Variants in MCTP2 observed in about 807,000 individuals in gnomAD.
MCTP2 encodes the protein multiple C2 and transmembrane domain containing 2, also known as multiple C2 and transmembrane domain-containing protein 2.
Under a neutral mutation model 111.6 loss-of-function variants are expected in MCTP2, and 132 were observed. That is an observed-to-expected ratio of 1.18 (90% CI 1.03 to 1.37). The LOEUF is 1.37. Among genes scored for constraint, MCTP2 ranks in the 40% most tolerant of loss-of-function variants. The probability of loss-of-function intolerance (pLI) is 0.00; values close to 1 mark genes in which losing one functional copy is unlikely to be tolerated. For synonymous variants in MCTP2, 395 were observed against 387.7 expected (o/e 1.02, Z -0.22); for missense variants, 1,183 against 1,067.9 (o/e 1.11, Z -1.50).
At chr15:94,353,912 T>C (rs1027205193) in intron 8 of MCTP2, among the ~76,000 whole-genome samples, 14 of 152,264 alleles carry the variant, frequency 9.2e-5, no homozygotes, top group Admixed American at 6.5e-4. Flanking sequence ...CATCTATTTA[T>C]ATATTGTGAT....
At chr15:94,470,805 T>C (rs906941167) in intron 21 of MCTP2, among the ~76,000 whole-genome samples, 18 of 152,190 alleles carry the variant, frequency 1.2e-4, no homozygotes, top group Middle Eastern at 3.4e-3. Flanking sequence ...ATCATGCCCT[T>C]GATATTATGT....
Position 94,314,461 on chromosome 15 carries a change from C to A in MCTP2, c.528+117C>A, listed in dbSNP as rs923821090. 11 of 737,716 alleles carry A rather than the reference C, an allele frequency of 1.5e-5. No homozygotes were observed. The South Asian group carries it at 2.1e-4, about 14-fold the overall frequency. 45.7% of individuals were successfully genotyped at this position (737,716 alleles called of 1,614,324 possible). A position where few individuals can be genotyped will look rare whatever the true frequency, so the allele number is the denominator to read the frequency against. ...TAAAAAAAAAAAAAAAATGCCAAAC[C>A]GTATCCACTTACAAAACCAGGCCTT... On this transcript the variant is annotated intron_variant, in intron 3 of 22. Coordinates refer to ENST00000357742, the MANE Select transcript of MCTP2 (RefSeq NM_001385001.1).
At chr15:94,419,708 G>A (rs952977254) in intron 17 of MCTP2, among the ~76,000 whole-genome samples, 15 of 151,500 alleles carry the variant, frequency 9.9e-5, no homozygotes, top group Non-Finnish European at 1.9e-4. Context: ...ATATAGGCAG[G>A]CATCCTTTTA....
chr15:94,467,607 A>ATTAATTTTTTCT (rs1217641224), intron 20 of MCTP2, among the ~76,000 whole-genome samples: 1 of 151,686 alleles, frequency 6.6e-6, no homozygotes, highest in Non-Finnish European at 1.5e-5. Flanking sequence ...TATAAATCTA[A>ATTAATTTTTTCT]TTAATTTTTT....
At chr15:94,281,502 C>T (rs886913946) in intron 1 of MCTP2, among the ~76,000 whole-genome samples, 1 of 152,126 alleles carries the variant, frequency 6.6e-6, no homozygotes, top group East Asian at 1.9e-4. Context: ...GGTCTTTCTT[C>T]TTTATCCAAC....
At chr15:94,388,583 CTT>C (rs1247854166) in intron 14 of MCTP2, among the ~76,000 whole-genome samples, 1 of 152,118 alleles carries the variant, frequency 6.6e-6, no homozygotes, top group Non-Finnish European at 1.5e-5. Context: ...ATAATTCTAA[CTT>C]GTGATTTAGA....
At chr15:94,425,604 T>C (rs559756893) in intron 17 of MCTP2, among the ~76,000 whole-genome samples, 6 of 151,656 alleles carry the variant, frequency 4.0e-5, no homozygotes, top group African/African-American at 1.4e-4. Flanking sequence ...AAAACAAAAA[T>C]AAAAGTTATC....
rs1381192589 is a variant in MCTP2 at position 94,481,013 on chromosome 15, G to T, written c.*1979G>T. 6.6e-6 allele frequency: 1 copy of T among 152,150 alleles called. No homozygotes were observed. Among genetic ancestry groups the T allele is most frequent in the Admixed American group, 6.5e-5 (1 of 15,278 alleles). The allele number at this position is 152,150 out of a possible 1,614,324, so 9.4% of individuals were successfully genotyped here. On this transcript the variant is annotated 3_prime_UTR_variant, in exon 23 of 23. Transcript: ENST00000357742. ...TTGATTAAGTAGACATTGGATGTTT[G>T]TTAGAAAGGAATGTTAGTTGTAAGT...
intron 9 of MCTP2, 41 bp from the exon 10 acceptor site, chr15:94,358,441 A>C (rs376425426): frequency 1.5e-5 from 24 of 1,570,126 alleles, no homozygotes; most frequent in East Asian, 9.0e-5. Flanking sequence ...GCAATGAATG[A>C]CATTTTAAGA....
intron 17 of MCTP2, among the ~76,000 whole-genome samples, chr15:94,429,387 T>G (rs1301765563): frequency 4.6e-5 from 7 of 152,162 alleles, no homozygotes; most frequent in Non-Finnish European, 8.8e-5. Flanking sequence ...TTTCAAAGAG[T>G]TATGTCTCCT....
At chr15:94,397,575 C>G (rs1401047018) in intron 14 of MCTP2, among the ~76,000 whole-genome samples, 1 of 152,218 alleles carries the variant, frequency 6.6e-6, no homozygotes, top group Non-Finnish European at 1.5e-5. Context: ...CTTTATGGGG[C>G]ACCCCCTTCC....
intron 2 of MCTP2, among the ~76,000 whole-genome samples, chr15:94,300,279 G>C (rs2152338250): frequency 6.6e-6 from 1 of 152,114 alleles, no homozygotes; most frequent in African/African-American, 2.4e-5. Context: ...AGACCGAGGT[G>C]GGTGGAGATC....
intron 4 of MCTP2, among the ~76,000 whole-genome samples, chr15:94,328,379 T>C (rs375479018): frequency 8.1e-4 from 124 of 152,200 alleles, no homozygotes; most frequent in South Asian, 6.4e-3. Flanking sequence ...CCACCCGCCT[T>C]GGCCTCCCAA....
At chr15:94,359,322 T>C (rs1361742372) in intron 10 of MCTP2, among the ~76,000 whole-genome samples, 1 of 152,204 alleles carries the variant, frequency 6.6e-6, no homozygotes, top group African/African-American at 2.4e-5. Context: ...AGTTTACACA[T>C]TACTTAGTCA....
intron 17 of MCTP2, among the ~76,000 whole-genome samples, chr15:94,419,108 G>A (rs567185874): frequency 5.9e-5 from 9 of 152,160 alleles, no homozygotes; most frequent in East Asian, 1.9e-4. Context: ...TAATAAAAGC[G>A]AGAAACATAT....
At chr15:94,301,102 T>C (rs1462343390) in intron 2 of MCTP2, among the ~76,000 whole-genome samples, 1 of 152,206 alleles carries the variant, frequency 6.6e-6, no homozygotes, top group African/African-American at 2.4e-5. Flanking sequence ...GCAACCATTT[T>C]TTTAACCTTT....
rs1207111733 is a variant in MCTP2 at position 94,481,138 on chromosome 15, A to G, written c.*2104A>G. ...TTGTGGATTCACAGTGTGATAATTA[A>G]GTAGGGATGTTGAAGTCTTGCCAAG... On this transcript the variant is annotated 3_prime_UTR_variant, in exon 23 of 23. Coordinates refer to ENST00000357742, the MANE Select transcript of MCTP2 (RefSeq NM_001385001.1). The G allele has an allele frequency of 6.6e-5, 10 of 152,222 alleles. No homozygotes were observed. Among genetic ancestry groups the G allele is most frequent in the South Asian group, 4.1e-4 (2 of 4,836 alleles). 9.4% of individuals were successfully genotyped at this position (152,222 alleles called of 1,614,324 possible).
chr15:94,243,295 A>G (rs148302593), intron 1 of MCTP2, among the ~76,000 whole-genome samples: 1,431 of 131,558 alleles, frequency 0.011, 19 homozygotes, highest in African/African-American at 0.032. Context: ...GCGTATATGC[A>G]TATATACATA....
At chr15:94,251,996 T>G (rs1357976783) in intron 1 of MCTP2, among the ~76,000 whole-genome samples, 2 of 152,194 alleles carry the variant, frequency 1.3e-5, no homozygotes, top group Non-Finnish European at 2.9e-5. Flanking sequence ...AATAATAATA[T>G]GTTGTATGTA....
Sources: gnomAD v4.1 joint callset for allele counts (sites outside exome capture counted in the v4.1 genomes callset) on GRCh38, gnomAD v4.1.1 for gene constraint, MANE v1.5 for transcripts, NCBI Gene and HGNC (gene_info 2026-07-23, HGNC 2026-07-21) for gene names.